The following TSPAN5 variants were observed in gnomAD, a reference collection of about 807,000 sequenced individuals.
TSPAN5 encodes the protein tetraspanin-5.
In TSPAN5, 10 loss-of-function variants were observed where a neutral mutation model predicts 37.1. The observed-to-expected ratio is 0.27, with a 90% CI of 0.17 to 0.46. The LOEUF (loss-of-function observed/expected upper bound fraction) is 0.46, where lower values mean the gene tolerates loss of function less well. Ranked by LOEUF, TSPAN5 falls within the 20% of genes least tolerant of loss-of-function variation. The probability of loss-of-function intolerance (pLI) is 1.00; values close to 1 mark genes in which losing one functional copy is unlikely to be tolerated. For missense variants in TSPAN5, 195 were observed against 326.6 expected (o/e 0.60, Z 3.11); for synonymous variants, 110 against 118.9 (o/e 0.93, Z 0.48).
chr4:98,634,716 G>T (rs1756817475), intron 1 of TSPAN5, among the ~76,000 whole-genome samples: 1 of 152,178 alleles, frequency 6.6e-6, no homozygotes, highest in South Asian at 2.1e-4. Context: ...ACGAAGGAAG[G>T]ATCTGAGAAA....
At chr4:98,519,859 G>C (rs1484182329) in intron 1 of TSPAN5, among the ~76,000 whole-genome samples, 3 of 152,152 alleles carry the variant, frequency 2.0e-5, no homozygotes, top group African/African-American at 7.2e-5. Context: ...TGTGACCTCA[G>C]ACAAGTAATT....
intron 7 of TSPAN5, among the ~76,000 whole-genome samples, chr4:98,475,403 C>T (rs993636106): frequency 3.3e-5 from 5 of 152,140 alleles, no homozygotes; most frequent in Non-Finnish European, 1.5e-5. Context: ...TTAAGACTGG[C>T]CAGGAGGAAA....
chr4:98,525,330 G>A (rs895871359), intron 1 of TSPAN5, among the ~76,000 whole-genome samples: 3 of 152,282 alleles, frequency 2.0e-5, no homozygotes, highest in Admixed American at 6.5e-5. Context: ...TTTGCCCCAC[G>A]TCTGCATGGG....
At chr4:98,472,987 G>A (rs1463629058) in intron 7 of TSPAN5, among the ~76,000 whole-genome samples, 2 of 152,140 alleles carry the variant, frequency 1.3e-5, no homozygotes, top group African/African-American at 4.8e-5. Context: ...TATTTTCAAG[G>A]TTCATATACA....
At chr4:98,628,788 C>T (rs981403404) in intron 1 of TSPAN5, among the ~76,000 whole-genome samples, 1 of 152,192 alleles carries the variant, frequency 6.6e-6, no homozygotes, top group African/African-American at 2.4e-5. Flanking sequence ...TACTACTCAA[C>T]TTGCTGATAT....
At chr4:98,565,388 T>C (rs908899991) in intron 1 of TSPAN5, among the ~76,000 whole-genome samples, 2 of 152,240 alleles carry the variant, frequency 1.3e-5, no homozygotes, top group African/African-American at 2.4e-5. Flanking sequence ...CATATTCTTA[T>C]AATTTTGCAT....
intron 1 of TSPAN5, among the ~76,000 whole-genome samples, chr4:98,553,212 G>T (rs530532564): frequency 6.6e-6 from 1 of 152,172 alleles, no homozygotes; most frequent in East Asian, 1.9e-4. Flanking sequence ...CTGTCTAAAA[G>T]TGTTGGAGTA....
At chr4:98,508,522 CT>C (rs34342433) in intron 1 of TSPAN5, among the ~76,000 whole-genome samples, 20,887 of 121,914 alleles carry the variant, frequency 0.17, 1,254 homozygotes, top group East Asian at 0.34. Context: ...TACTGTTTTT[CT>C]TTTTTTTTTT....
intron 1 of TSPAN5, among the ~76,000 whole-genome samples, chr4:98,605,669 C>T (rs1404559483): frequency 7.2e-5 from 11 of 152,186 alleles, no homozygotes; most frequent in African/African-American, 9.7e-5. Flanking sequence ...GTCAATCCCT[C>T]GGAATACTTC....
At chr4:98,600,089 T>A (rs929396197) in intron 1 of TSPAN5, among the ~76,000 whole-genome samples, 1 of 152,236 alleles carries the variant, frequency 6.6e-6, no homozygotes, top group African/African-American at 2.4e-5. Context: ...ATTTATACTA[T>A]ACTGCATCTA....
chr4:98,509,999 T>A (rs1165525787), intron 1 of TSPAN5: 1 of 152,200 alleles, frequency 6.6e-6, no homozygotes, highest in Non-Finnish European at 1.5e-5. Context: ...CAGTATTCAC[T>A]GTCCCTCCTG....
intron 1 of TSPAN5, among the ~76,000 whole-genome samples, chr4:98,533,454 G>A (rs1194231821): frequency 3.3e-5 from 5 of 149,862 alleles, no homozygotes; most frequent in Admixed American, 2.7e-4. Context: ...ATTATTACAG[G>A]TTTTCTCATT....
At position 98,486,813 on chromosome 4, in the gene TSPAN5, C is replaced by T. The variant is rs1477109105; in HGVS notation, c.204G>A (p.Val68=). Residue 68 remains valine, a synonymous_variant, in exon 3 of 8, where the codon GTG becomes GTA. Transcript: ENST00000305798. The part of the protein sequence containing the change: ...GFDPVWLFLV[V]GGVMFILGFA... ...ATCCCAAAATGAACATCACTCCTCCCACCACAAGGAAGAGCCAAACTGGGT... is the reference window on the plus strand; with the variant it reads ...ATCCCAAAATGAACATCACTCCTCCTACCACAAGGAAGAGCCAAACTGGGT... 2 of 1,614,070 alleles carry T rather than the reference C, an allele frequency of 1.2e-6. No individual in the cohort carries two copies. Among genetic ancestry groups the T allele is most frequent in the Non-Finnish European group, 1.7e-6 (2 of 1,180,018 alleles).
At chr4:98,589,447 A>C (rs1207174934) in intron 1 of TSPAN5, among the ~76,000 whole-genome samples, 1 of 152,150 alleles carries the variant, frequency 6.6e-6, no homozygotes, top group Non-Finnish European at 1.5e-5. Context: ...GCCTGTGATG[A>C]TGGCCCTAGC....
intron 1 of TSPAN5, among the ~76,000 whole-genome samples, chr4:98,634,190 A>T (rs987590260): frequency 6.6e-6 from 1 of 152,194 alleles, no homozygotes; most frequent in Non-Finnish European, 1.5e-5. Context: ...GACCTTTTTC[A>T]GTGGCCTTGG....
rs1287453438 is a variant in TSPAN5, at chr4:98,478,778, A to G, written c.483T>C (p.Asp161=). ...WQCCGAFGAD[D]WNLNIYFNCT... is the part of the protein sequence containing the mutation. The stretch of plus-strand genomic sequence containing the variant: ...AATTGAAGTAAATATTTAGGTTCCA[A>G]TCATCAGCTCCAAAAGCCCCACAGC... Residue 161 remains aspartate, a synonymous_variant, in exon 5 of 8, where the codon GAT becomes GAC. Transcript: ENST00000305798. 1.2e-6 allele frequency: 2 copies of G among 1,613,954 alleles called. No individual in the cohort carries two copies. The highest frequency in any genetic ancestry group is 1.3e-5 in the African/African-American group (1 of 74,898).
At chr4:98,565,440 AAAG>A (rs78886042) in intron 1 of TSPAN5, among the ~76,000 whole-genome samples, 101,922 of 151,606 alleles carry the variant, frequency 0.67, 34,405 homozygotes, top group South Asian at 0.8. Flanking sequence ...TGGGGGCCTT[AAAG>A]AACTGAGGAG....
At chr4:98,550,886 T>C (rs1463705148) in intron 1 of TSPAN5, among the ~76,000 whole-genome samples, 1 of 152,204 alleles carries the variant, frequency 6.6e-6, no homozygotes, top group Non-Finnish European at 1.5e-5. Context: ...TCTTGCCTGA[T>C]TGCTCTGGTG....
intron 1 of TSPAN5, among the ~76,000 whole-genome samples, chr4:98,531,549 G>A (rs935090222): frequency 6.6e-6 from 1 of 152,098 alleles, no homozygotes; most frequent in African/African-American, 2.4e-5. Flanking sequence ...TGTCTTTATA[G>A]AATGATTTAT....
Sources: allele counts gnomAD v4.1 joint callset (sites outside exome capture counted in the v4.1 genomes callset), GRCh38; gene constraint gnomAD v4.1.1; transcripts MANE v1.5; gene names NCBI Gene and HGNC (gene_info 2026-07-23, HGNC 2026-07-21).